The following ELFN2 variants were observed in gnomAD, a reference collection of about 807,000 sequenced individuals.
The protein encoded by ELFN2 is extracellular leucine rich repeat and fibronectin type III domain containing 2, also known as protein phosphatase 1 regulatory subunit 29.
In ELFN2, 17 loss-of-function variants were observed where a neutral mutation model predicts 45.5. The observed-to-expected ratio is 0.37, with a 90% confidence interval of 0.26 to 0.56. The LOEUF (loss-of-function observed/expected upper bound fraction) is 0.56, where lower values mean the gene tolerates loss of function less well. Ranked by LOEUF, ELFN2 falls within the 20% of genes least tolerant of loss-of-function variation. The probability of loss-of-function intolerance (pLI) is 0.77; values close to 1 mark genes in which losing one functional copy is unlikely to be tolerated. For synonymous variants in ELFN2, 550 were observed against 551.5 expected, an observed-to-expected ratio of 1.00 and a Z score of 0.04; for missense variants, 922 against 1,183.2, an observed-to-expected ratio of 0.78 and a Z score of 3.24.
At chr22:37,341,191 G>A (rs1463149053) in intron 2 of ELFN2, among the ~76,000 whole-genome samples, 1 of 152,162 alleles carries the variant, frequency 6.6e-6, no homozygotes, top group Admixed American at 6.5e-5. Context: ...CAGCATGGGA[G>A]GGGAGGTGCA....
At chr22:37,357,358 GGAA>G (rs897907096) in intron 1 of ELFN2, among the ~76,000 whole-genome samples, 3 of 152,252 alleles carry the variant, frequency 2.0e-5, no homozygotes, top group Middle Eastern at 3.4e-3. Context: ...TTGCTCCTGT[GGAA>G]GAAGGGAAGG....
At chr22:37,377,659 A>C (rs1261572168) in intron 2 of ELFN2, among the ~76,000 whole-genome samples, 1 of 152,190 alleles carries the variant, frequency 6.6e-6, no homozygotes, top group Non-Finnish European at 1.5e-5. Flanking sequence ...CGCTGGACTA[A>C]AGGCTGATGC....
intron 1 of ELFN2, among the ~76,000 whole-genome samples, chr22:37,357,307 T>C (rs1930975835): frequency 6.6e-6 from 1 of 152,186 alleles, no homozygotes; most frequent in Admixed American, 6.5e-5. Context: ...TTGGGGAATG[T>C]CTTAATAATA....
intron 1 of ELFN2, among the ~76,000 whole-genome samples, chr22:37,424,156 C>G (rs963011279): frequency 6.6e-6 from 1 of 152,094 alleles, no homozygotes; most frequent in African/African-American, 2.4e-5. Context: ...GTGGCCGGAG[C>G]AGGTGAGGGT....
At chr22:37,399,512 G>A (rs565096416) in intron 2 of ELFN2, among the ~76,000 whole-genome samples, 87 of 146,932 alleles carry the variant, frequency 5.9e-4, no homozygotes, top group African/African-American at 2.0e-3. Flanking sequence ...CGACCACGGG[G>A]ACCACCAGCC....
chr22:37,410,117 T>C (rs893742931), intron 2 of ELFN2, among the ~76,000 whole-genome samples: 1 of 152,088 alleles, frequency 6.6e-6, no homozygotes, highest in Non-Finnish European at 1.5e-5. Context: ...CCAGCTTCCA[T>C]CCAGCCAGCT....
At chr22:37,406,566 C>G (rs537705586) in intron 2 of ELFN2, among the ~76,000 whole-genome samples, 14 of 152,218 alleles carry the variant, frequency 9.2e-5, no homozygotes, top group African/African-American at 3.1e-4. Context: ...GCCCCAGCCC[C>G]GTGACCCACT....
intron 2 of ELFN2, among the ~76,000 whole-genome samples, chr22:37,409,450 C>A (rs115815079): frequency 1.3e-5 from 2 of 152,116 alleles, no homozygotes; most frequent in Admixed American, 1.3e-4. Flanking sequence ...GGCCCTGGAC[C>A]CCCACACCCT....
In ELFN2 at chr22:37,417,108, C is replaced by T. The variant is rs1003182145; in HGVS notation, c.-463+661G>A. ...CACGTGGCCGCCACCAACACAGCCT[C>T]GGTGACAGCCCCAGCCTCTCCTCTC... On this transcript the variant is annotated intron_variant, in intron 2 of 2. Transcript: ENST00000402918. The surrounding 1 kb of genome is among the most constrained non-coding windows in gnomAD (Gnocchi z 4.5). 1.3e-5 allele frequency among the ~76,000 whole-genome samples: 2 copies of T among 152,016 alleles called. No individual in the cohort carries two copies. The highest frequency in any genetic ancestry group is 4.8e-5 in the African/African-American group (2 of 41,438).
chr22:37,387,680 C>CTTGTAA (rs1233169900), intron 2 of ELFN2, among the ~76,000 whole-genome samples: 26 of 152,110 alleles, frequency 1.7e-4, no homozygotes, highest in African/African-American at 6.3e-4. Flanking sequence ...TGCTTTCCCG[C>CTTGTAA]GACCTCCCAG....
At chr22:37,359,810 C>A (rs1931038042) in intron 1 of ELFN2, among the ~76,000 whole-genome samples, 1 of 152,096 alleles carries the variant, frequency 6.6e-6, no homozygotes, top group Admixed American at 6.5e-5. Flanking sequence ...GTGGAAGAAA[C>A]AGCTTTACAG....
At chr22:37,388,137 T>C (rs1359800192) in intron 2 of ELFN2, among the ~76,000 whole-genome samples, 1 of 152,006 alleles carries the variant, frequency 6.6e-6, no homozygotes, top group Non-Finnish European at 1.5e-5. Flanking sequence ...ATGAACTTTC[T>C]AGAACATCAA....
chr22:37,423,962 C>T (rs959077383), intron 1 of ELFN2, among the ~76,000 whole-genome samples: 3 of 152,112 alleles, frequency 2.0e-5, no homozygotes, highest in Admixed American at 1.3e-4. Flanking sequence ...TGGGCTGGGA[C>T]GGCAGGAGGC....
intron 2 of ELFN2, among the ~76,000 whole-genome samples, chr22:37,384,567 T>C (rs1931885551): frequency 6.2e-5 from 1 of 16,124 alleles, no homozygotes; most frequent in Non-Finnish European, 1.2e-4. Flanking sequence ...CCACGACCTC[T>C]AGCCACTCCC....
chr22:37,365,196 G>A (rs1931176667), downstream of ELFN2, among the ~76,000 whole-genome samples: 1 of 139,956 alleles, frequency 7.1e-6, no homozygotes, highest in Non-Finnish European at 1.6e-5. Context: ...CTGAGAACCA[G>A]TGAGATCCAG....
At position 37,373,459 on chromosome 22, in the gene ELFN2, C is replaced by A; in HGVS notation, c.2076G>T (p.Gly692=). The change falls in exon 3 of 3, where the codon GGG becomes GGT. Residue 692 remains glycine, a synonymous_variant. Transcript: ENST00000402918. The part of the protein sequence containing the change: ...AGSGGGSGGG[G]GIHHLEVKPA... Reference sequence around the variant, plus strand: ...GCTTCACCTCCAGGTGGTGGATGCCCCCGCCCCCGCCGCTGCCCCCGCCGC... The same window carrying A: ...GCTTCACCTCCAGGTGGTGGATGCCACCGCCCCCGCCGCTGCCCCCGCCGC... The A allele has an allele frequency of 1.3e-6, 2 of 1,529,114 alleles. No homozygotes were observed. Among genetic ancestry groups the A allele is most frequent in the Non-Finnish European group, 1.8e-6 (2 of 1,140,412 alleles). The allele number at this position is 1,529,114 out of a possible 1,614,324, so 94.7% of individuals were successfully genotyped here. A position where few individuals can be genotyped will look rare whatever the true frequency, so the allele number is the denominator to read the frequency against.
At position 37,350,263 on chromosome 22, in the gene ELFN2, A is replaced by T. The variant is rs1338906262; in HGVS notation, n.149-7560T>A. Among the ~76,000 whole-genome samples, 4 of 128,240 alleles carry T rather than the reference A, an allele frequency of 3.1e-5. No homozygotes were observed. The South Asian group carries it at 9.6e-4, about 31-fold the overall frequency. The allele number at this position is 128,240 out of a possible 152,430, so 84.1% of individuals were successfully genotyped here. On this transcript the variant is annotated intron_variant and non_coding_transcript_variant, in intron 1 of 2. Coordinates refer to ENST00000452946, the Ensembl canonical transcript of ELFN2. ...GGGCCAGGTAGCAGCATAAATGGCA[A>T]GAACGGGTGGGAGCCAAGGAAATGA...
chr22:37,346,818 C>T (rs1015086370), intron 1 of ELFN2, among the ~76,000 whole-genome samples: 2 of 152,128 alleles, frequency 1.3e-5, no homozygotes, highest in Non-Finnish European at 2.9e-5. Flanking sequence ...CACACCAAGA[C>T]ATACACACAC....
In ELFN2 at chr22:37,373,073, C is replaced by T; in HGVS notation, c.2462G>A (p.Ter821=). The T allele has an allele frequency of 1.3e-6, 2 of 1,585,614 alleles. No homozygotes were observed. The highest frequency in any genetic ancestry group is 1.7e-6 in the Non-Finnish European group (2 of 1,161,278). Residue 821 remains the stop codon, a stop_retained_variant, in exon 3 of 3, where the codon TGA becomes TAA. Transcript: ENST00000402918. ...WKGVSAQQKL[*] The stretch of plus-strand genomic sequence containing the variant: ...CCTCACCAGGGAGGAAGGGGGGGGT[C>T]ACAGCTTCTGCTGGGCGGAGACCCC...
Sources: gnomAD v4.1 joint callset for allele counts (sites outside exome capture counted in the v4.1 genomes callset) on GRCh38, gnomAD v4.1.1 for gene constraint, Gnocchi (gnomAD v3.1) non-coding constraint, MANE v1.5 for transcripts, NCBI Gene and HGNC (gene_info 2026-07-23, HGNC 2026-07-21) for gene names.